FAT1: variants seen among roughly 807,000 people sequenced by gnomAD.
FAT1 encodes the protein FAT atypical cadherin 1, also known as protocadherin Fat 1.
A neutral mutation model predicts 329.8 loss-of-function variants in FAT1; 171 were observed. The ratio of observed to expected loss-of-function variants is 0.52; its 90% confidence interval spans 0.46 to 0.59. FAT1 has a LOEUF of 0.59. Among genes scored for constraint, FAT1 ranks in the 20% least tolerant of loss-of-function variants. The pLI, the probability that FAT1 is intolerant of heterozygous loss-of-function variation, is 0.00. For missense variants in FAT1, 5,672 were observed against 5,774.4 expected, an observed-to-expected ratio of 0.98 and a Z score of 0.57; for synonymous variants, 2,233 against 2,228.6, an observed-to-expected ratio of 1.00 and a Z score of -0.06.
chr4:186,627,475 ATCTCTTGGCCTCTGGG>A (rs1391561105), intron 9 of FAT1, among the ~76,000 whole-genome samples: 3 of 152,248 alleles, frequency 2.0e-5, no homozygotes, highest in African/African-American at 7.2e-5. Flanking sequence ...CCGACTCTGG[ATCTCTTGGCCTCTGGG>A]TCCCGGAACC....
intron 3 of FAT1, among the ~76,000 whole-genome samples, chr4:186,649,018 G>T (rs1215699830): frequency 6.6e-6 from 1 of 152,090 alleles, no homozygotes; most frequent in Non-Finnish European, 1.5e-5. Context: ...GAGATACAGA[G>T]AAACACAATA....
At chr4:186,698,931 G>A (rs1473805756) in intron 2 of FAT1, among the ~76,000 whole-genome samples, 1 of 152,188 alleles carries the variant, frequency 6.6e-6, no homozygotes, top group African/African-American at 2.4e-5. Flanking sequence ...TTTAAAAAAT[G>A]CAACAGAATA....
chr4:186,596,032 G>C lies in FAT1; in HGVS notation c.13001-206C>G, dbSNP rs1260284638. Among the ~76,000 whole-genome samples the C allele has an allele frequency of 6.6e-6, 1 of 152,126 alleles. No homozygotes were observed. Among genetic ancestry groups the C allele is most frequent in the Non-Finnish European group, 1.5e-5 (1 of 68,024 alleles). Reference sequence around the variant, plus strand: ...AGAAAGACCTCCACATCATCTTAGAGATTATTCATAGAGTAGAAATCGCCC... The same window carrying C: ...AGAAAGACCTCCACATCATCTTAGACATTATTCATAGAGTAGAAATCGCCC... On this transcript the variant is annotated intron_variant, in intron 25 of 26. Coordinates refer to ENST00000441802, the MANE Select transcript of FAT1 (RefSeq NM_005245.4). The surrounding 1 kb of genome is among the most constrained non-coding windows in gnomAD (Gnocchi z 4.7).
At chr4:186,653,055 G>A (rs1044397402) in intron 3 of FAT1, among the ~76,000 whole-genome samples, 3 of 152,080 alleles carry the variant, frequency 2.0e-5, no homozygotes, top group East Asian at 3.9e-4. Flanking sequence ...GTATAACGCC[G>A]TCCTCTAAAA....
Position 186,618,856 on chromosome 4 carries a change from A to G in FAT1, c.7730T>C (p.Val2577Ala), listed in dbSNP as rs564838310. Residue 2577 changes from valine to alanine, a missense_variant, in exon 10 of 27, where the codon GTT becomes GCT. Around this residue, in one of 2 missense-constraint regions of FAT1, gnomAD observed 3,966 missense variants for 3,915.2 expected, o/e 1.01. Coordinates refer to ENST00000441802, the MANE Select transcript of FAT1 (RefSeq NM_005245.4). Reference sequence around the variant, plus strand: ...GATGACATTCACGGTGCAGAAAGCAACTTTTCCTCCAGCATCCTTAGCCAT... The same window carrying G: ...GATGACATTCACGGTGCAGAAAGCAGCTTTTCCTCCAGCATCCTTAGCCAT... ...RLMAKDAGGK[V>A]AFCTVNVILT... 14 of 1,613,978 alleles carry G rather than the reference A, an allele frequency of 8.7e-6. No homozygotes were observed. The South Asian group carries it at 1.5e-4, about 18-fold the overall frequency.
chr4:186,605,312 G>A (rs1739060033), intron 17 of FAT1, among the ~76,000 whole-genome samples: 1 of 144,356 alleles, frequency 6.9e-6, no homozygotes, highest in African/African-American at 2.6e-5. Flanking sequence ...AGTGAGAAGG[G>A]GGAGGAGGAG....
rs535920645 is a variant in FAT1, at chr4:186,707,997, C to T, written c.1831G>A (p.Glu611Lys). The T allele has an allele frequency of 6.2e-7, 1 of 1,613,910 alleles. No homozygotes were observed. Among genetic ancestry groups the T allele is most frequent in the African/African-American group, 1.3e-5 (1 of 75,046 alleles). The change falls in exon 2 of 27, where the codon GAA becomes AAA. Residue 611 changes from glutamate to lysine, a missense_variant. By Grantham distance (56) the Glu-to-Lys change is moderately conservative (BLOSUM62 1). Around this residue, in one of 2 missense-constraint regions of FAT1, gnomAD observed 3,966 missense variants for 3,915.2 expected, o/e 1.01. Coordinates refer to ENST00000441802, the MANE Select transcript of FAT1 (RefSeq NM_005245.4). ...GGGTTTAAACTAAAGAAATCCAGTTCATTTCCAGCTTCAATCTGATACTGT... is the reference window on the plus strand; with the variant it reads ...GGGTTTAAACTAAAGAAATCCAGTTTATTTCCAGCTTCAATCTGATACTGT... Reference protein sequence around the residue: ...LVQYQIEAGNELDFFSLNPNS... With the variant: ...LVQYQIEAGNKLDFFSLNPNS...
Position 186,596,902 on chromosome 4 carries a change from T to C in FAT1, c.12638A>G (p.Gln4213Arg), listed in dbSNP as rs766743632. The change falls in exon 25 of 27, where the codon CAG becomes CGG. Residue 4213 changes from glutamine to arginine, a missense_variant. Coordinates refer to ENST00000441802, the MANE Select transcript of FAT1 (RefSeq NM_005245.4). The surrounding 1 kb of genome is among the most constrained non-coding windows in gnomAD (Gnocchi z 4.7). ...CAGGTGCTTGTCTTTAGGTTCAGCCTGATGCTTCTTTTTCCGACTAATCAT... is the reference window on the plus strand; with the variant it reads ...CAGGTGCTTGTCTTTAGGTTCAGCCCGATGCTTCTTTTTCCGACTAATCAT... ...RKMISRKKKH[Q>R]AEPKDKHLGP... 1 of 1,614,042 alleles carries C rather than the reference T, an allele frequency of 6.2e-7. No homozygotes were observed. The highest frequency in any genetic ancestry group is 8.5e-7 in the Non-Finnish European group (1 of 1,179,898).
rs1739895683 is a variant in FAT1, at chr4:186,619,201, C to A, written c.7385G>T (p.Ser2462Ile). ...LHRHALKPFY[S>I]LNLSVSDGVF... ...TCCATCAGACACTGACAGGTTAAGACTGTAAAATGGCTTCAGGGCGTGCCG... is the reference window on the plus strand; with the variant it reads ...TCCATCAGACACTGACAGGTTAAGAATGTAAAATGGCTTCAGGGCGTGCCG... The change falls in exon 10 of 27, where the codon AGT (serine) becomes ATT (isoleucine). Residue 2462 changes from serine (S) to isoleucine (I), a missense_variant. This residue lies in a region of FAT1 where 3,966 missense variants were observed against 3,915.2 expected (regional missense o/e 1.01). Transcript: ENST00000441802. 1.2e-6 allele frequency: 2 copies of A among 1,613,866 alleles called. No homozygotes were observed. Among genetic ancestry groups the A allele is most frequent in the South Asian group, 2.2e-5 (2 of 91,078 alleles).
At chr4:186,678,507 AAT>A (rs1743051838) in intron 2 of FAT1, among the ~76,000 whole-genome samples, 1 of 149,112 alleles carries the variant, frequency 6.7e-6, no homozygotes, top group Admixed American at 6.7e-5. Flanking sequence ...ATTATAGACA[AAT>A]ATATTCTATT....
chr4:186,697,946 T>C (rs752167364), intron 2 of FAT1, among the ~76,000 whole-genome samples: 3 of 152,170 alleles, frequency 2.0e-5, no homozygotes, highest in African/African-American at 4.8e-5. Context: ...TCACTGTCTC[T>C]CTGAAGAAAG....
In FAT1 at chr4:186,641,694, C is replaced by A. The variant is rs191946605; in HGVS notation, c.3581-1911G>T. Among the ~76,000 whole-genome samples, 213 of 152,296 alleles carry A rather than the reference C, an allele frequency of 1.4e-3. 1 individual carries two copies. The highest frequency in any genetic ancestry group is 4.9e-3 in the African/African-American group (204 of 41,572). ...ACAAGAAGGCTAAGGAAAGCTGTACCTGTGTCCATACTACCAATTCCACAT... is the reference window on the plus strand; with the variant it reads ...ACAAGAAGGCTAAGGAAAGCTGTACATGTGTCCATACTACCAATTCCACAT... On this transcript the variant is annotated intron_variant, in intron 3 of 26. Coordinates refer to ENST00000441802, the MANE Select transcript of FAT1 (RefSeq NM_005245.4).
Position 186,597,826 on chromosome 4 carries a change from T to C in FAT1, c.12258-34A>G, listed in dbSNP as rs1280096. On this transcript the variant is annotated intron_variant, in intron 23 of 26. Coordinates refer to ENST00000441802, the MANE Select transcript of FAT1 (RefSeq NM_005245.4). ...TAAGGAGAAACAGACATAAACCTCA[T>C]GATCCTATTGCAAATAAATACAGCA... 0.78 allele frequency: 1,242,475 copies of C among 1,586,748 alleles called. 489,548 individuals are homozygous for C. The highest frequency in any genetic ancestry group is 0.99 in the East Asian group (44,098 of 44,706).
chr4:186,691,625 C>G (rs2126660264), intron 2 of FAT1, among the ~76,000 whole-genome samples: 1 of 152,032 alleles, frequency 6.6e-6, no homozygotes, highest in East Asian at 1.9e-4. Context: ...GGCAACATAG[C>G]AAGACCCCAC....
rs760112177 is a variant in FAT1 at position 186,619,997 on chromosome 4, C to T, written c.6589G>A (p.Val2197Met). Residue 2197 changes from valine to methionine, a missense_variant, in exon 10 of 27, where the codon GTG becomes ATG. Val to Met is a conservative substitution (Grantham distance 21, BLOSUM62 1). Transcript: ENST00000441802. Reference sequence around the variant, plus strand: ...TGCACGTGGACCACAGGGCTGTGCACCTGGATGCTCTCTGCAATCTCTGCA... The same window carrying T: ...TGCACGTGGACCACAGGGCTGTGCATCTGGATGCTCTCTGCAATCTCTGCA... ...YSAEIAESIQ[V>M]HSPVVHVQAN... is the part of the protein sequence containing the mutation. 3.3e-5 allele frequency: 54 copies of T among 1,613,920 alleles called. No individual in the cohort carries two copies. In the East Asian group the frequency reaches 1.1e-3, roughly 34 times the overall value.
intron 3 of FAT1, among the ~76,000 whole-genome samples, chr4:186,645,966 T>TACACAC (rs1307077094): frequency 0.015 from 1,170 of 80,466 alleles, 40 homozygotes; most frequent in African/African-American, 0.019. Context: ...AAAAAAAATA[T>TACACAC]ATACACACAC....
chr4:186,663,644 C>A (rs1560976216), intron 2 of FAT1, 31 bp from the exon 3 acceptor site: 1 of 1,543,444 alleles, frequency 6.5e-7, no homozygotes, highest in South Asian at 1.2e-5. Context: ...CGTAAAGCAG[C>A]ACATCAACGA....
chr4:186,708,816 C>G lies in FAT1; in HGVS notation c.1012G>C (p.Ala338Pro). The change falls in exon 2 of 27, where the codon GCT becomes CCT. Residue 338 changes from alanine (A) to proline (P), a missense_variant. By Grantham distance (27) the Ala-to-Pro change is conservative. Coordinates refer to ENST00000441802, the MANE Select transcript of FAT1 (RefSeq NM_005245.4). ...HPFGYNLTLQ[A>P]KDKGTPPQFS... ...TGGGGCGGAGTTCCTTTATCTTTAGCCTGTAGTGTGAGATTGTAGCCGAAA... is the reference window on the plus strand; with the variant it reads ...TGGGGCGGAGTTCCTTTATCTTTAGGCTGTAGTGTGAGATTGTAGCCGAAA... The G allele has an allele frequency of 1.2e-6, 2 of 1,613,942 alleles. No individual in the cohort carries two copies. The highest frequency in any genetic ancestry group is 1.7e-6 in the Non-Finnish European group (2 of 1,179,888).
In FAT1 at chr4:186,628,411, A is replaced by T. The variant is rs1342523387; in HGVS notation, c.4600-47T>A. The T allele has an allele frequency of 2.5e-6, 4 of 1,609,336 alleles. No homozygotes were observed. In the East Asian group the frequency reaches 8.9e-5, roughly 36 times the overall value. On this transcript the variant is annotated intron_variant, in intron 8 of 26. Transcript: ENST00000441802. ...TCAATCCCATTGGTGCTTTCCTTATAACTAATTAAAAATCACGCTCGAACA... is the reference window on the plus strand; with the variant it reads ...TCAATCCCATTGGTGCTTTCCTTATTACTAATTAAAAATCACGCTCGAACA...
Sources: allele counts gnomAD v4.1 joint callset (sites outside exome capture counted in the v4.1 genomes callset), GRCh38; gene constraint gnomAD v4.1.1; regional missense constraint gnomAD v4.1.1; non-coding constraint Gnocchi (gnomAD v3.1); transcripts MANE v1.5; gene names NCBI Gene and HGNC (gene_info 2026-07-23, HGNC 2026-07-21).